CELF5: variants seen among roughly 807,000 people sequenced by gnomAD.
CELF5 encodes CUGBP Elav-like family member 5, also known as CUG-BP and ETR-3 like factor 5.
Under a neutral mutation model 54.9 loss-of-function variants are expected in CELF5, and 6 were observed. The observed-to-expected ratio is 0.11, with a 90% CI of 0.06 to 0.22. The LOEUF (loss-of-function observed/expected upper bound fraction) is 0.22, where lower values mean the gene tolerates loss of function less well. Ranked by LOEUF, CELF5 falls within the 10% of genes least tolerant of loss-of-function variation. The pLI is 1.00. For synonymous variants in CELF5, 271 were observed against 290.9 expected, an observed-to-expected ratio of 0.93 and a Z score of 0.70; for missense variants, 401 against 678.6, an observed-to-expected ratio of 0.59 and a Z score of 4.54.
chr19:3,233,639 A>G (rs987618836), intron 1 of CELF5, among the ~76,000 whole-genome samples: 3 of 152,196 alleles, frequency 2.0e-5, no homozygotes, highest in African/African-American at 7.2e-5. Flanking sequence ...TTGGAGGAAC[A>G]GCAAGGAGGC....
At chr19:3,280,903 G>T (rs2080138760) in intron 5 of CELF5, among the ~76,000 whole-genome samples, 1 of 152,128 alleles carries the variant, frequency 6.6e-6, no homozygotes, top group African/African-American at 2.4e-5. Flanking sequence ...CCAGCGGCGG[G>T]ATTCTCCATC....
chr19:3,253,632 G>C (rs10424718), intron 2 of CELF5, among the ~76,000 whole-genome samples: 1 of 152,060 alleles, frequency 6.6e-6, no homozygotes, highest in Non-Finnish European at 1.5e-5. Flanking sequence ...CAGAGCAGGG[G>C]GGGCAAAGGT....
At chr19:3,257,661 A>G (rs2079748266) in intron 2 of CELF5, among the ~76,000 whole-genome samples, 1 of 151,414 alleles carries the variant, frequency 6.6e-6, no homozygotes, top group African/African-American at 2.4e-5. Flanking sequence ...TTTTTAGTAG[A>G]GACGGGGTTT....
chr19:3,275,487 G>A lies in CELF5; in HGVS notation c.395-369G>A, dbSNP rs187581016. The stretch of plus-strand genomic sequence containing the variant: ...ACAGACAGGGACCCAGGCCCGGCGA[G>A]GCAGCTCCTAGCCCTAGTACTCGGT... On this transcript the variant is annotated intron_variant, in intron 3 of 12. Transcript: ENST00000292672. The surrounding 1 kb of genome is among the most constrained non-coding windows in gnomAD (Gnocchi z 6.7). 2.6e-5 allele frequency among the ~76,000 whole-genome samples: 4 copies of A among 152,376 alleles called. No homozygotes were observed. The East Asian group carries it at 7.7e-4, about 29-fold the overall frequency.
intron 1 of CELF5, among the ~76,000 whole-genome samples, chr19:3,250,437 C>T (rs995067759): frequency 1.3e-5 from 2 of 152,120 alleles, no homozygotes; most frequent in Admixed American, 6.5e-5. Flanking sequence ...TGCAGTGAGC[C>T]GAGATCGCGC....
At chr19:3,225,061 T>A in intron 1 of CELF5, 63 bp downstream of exon 1, 1 of 1,033,530 alleles carries the variant, frequency 9.7e-7, no homozygotes, top group Non-Finnish European at 1.3e-6. Flanking sequence ...CCTTCCGGCA[T>A]CTTCTCTCCC....
At chr19:3,287,523 C>G (rs2080274048) in intron 10 of CELF5, among the ~76,000 whole-genome samples, 2 of 150,598 alleles carry the variant, frequency 1.3e-5, no homozygotes, top group South Asian at 4.2e-4. Context: ...TGCGCCACTG[C>G]ACTTCAGCCT....
intron 9 of CELF5, among the ~76,000 whole-genome samples, chr19:3,285,188 C>A (rs1264001544): frequency 6.6e-6 from 1 of 151,964 alleles, no homozygotes; most frequent in Non-Finnish European, 1.5e-5. Context: ...ACAGGACCTT[C>A]CCTTGTCCTT....
intron 1 of CELF5, among the ~76,000 whole-genome samples, chr19:3,243,552 G>A (rs765395286): frequency 2.9e-4 from 44 of 152,184 alleles, no homozygotes; most frequent in Non-Finnish European, 5.4e-4. Flanking sequence ...AAGGTGCCGG[G>A]ATTCCAGGTG....
rs1000000015 is a variant in CELF5, at chr19:3,228,462, G to A, written c.259+3464G>A. Among the ~76,000 whole-genome samples, 3 of 152,240 alleles carry A rather than the reference G, an allele frequency of 2.0e-5. No individual in the cohort carries two copies. Among genetic ancestry groups the A allele is most frequent in the African/African-American group, 7.2e-5 (3 of 41,462 alleles). On this transcript the variant is annotated intron_variant, in intron 1 of 12. Transcript: ENST00000292672. The surrounding 1 kb of genome is among the most constrained non-coding windows in gnomAD (Gnocchi z 6.0). ...CTGCCCCTGTCTATGGATGGTGGCT[G>A]CCTGGGTGCCCACCCTGCCAGGGGA...
At chr19:3,260,771 C>A (rs1443369518) in intron 2 of CELF5, among the ~76,000 whole-genome samples, 2 of 151,840 alleles carry the variant, frequency 1.3e-5, no homozygotes, top group African/African-American at 4.8e-5. Flanking sequence ...TACAGGCGCC[C>A]GCCACCATGA....
At position 3,281,036 on chromosome 19, in the gene CELF5, C is replaced by T. The variant is rs149962999; in HGVS notation, c.604-163C>T. ...AGGATGCTGATCTCCACGCGGTCCT[C>T]GCTGTGGCCCTGGCTCCTGGGGTGG... On this transcript the variant is annotated intron_variant, in intron 5 of 12. Coordinates refer to ENST00000292672, the MANE Select transcript of CELF5 (RefSeq NM_021938.4). The surrounding 1 kb of genome is among the most constrained non-coding windows in gnomAD (Gnocchi z 6.5). Among the ~76,000 whole-genome samples, 10 of 152,322 alleles carry T rather than the reference C, an allele frequency of 6.6e-5. No individual in the cohort carries two copies. The highest frequency in any genetic ancestry group is 2.1e-4 in the South Asian group (1 of 4,828).
intron 9 of CELF5, 35 bp from the exon 10 acceptor site, chr19:3,285,907 C>T (rs753422548): frequency 1.3e-6 from 2 of 1,504,070 alleles, no homozygotes; most frequent in African/African-American, 1.5e-5. Context: ...GCCTCACGCC[C>T]CTCCTCGCCC....
chr19:3,237,941 C>T (rs536689337), intron 1 of CELF5, among the ~76,000 whole-genome samples: 35 of 152,098 alleles, frequency 2.3e-4, no homozygotes, highest in African/African-American at 8.2e-4. Flanking sequence ...CCCAGCTACT[C>T]GGGAGGCTGA....
chr19:3,285,440 C>T (rs1355373999), intron 9 of CELF5, among the ~76,000 whole-genome samples: 2 of 149,418 alleles, frequency 1.3e-5, no homozygotes, highest in African/African-American at 2.5e-5. Context: ...ACCCCGCCCT[C>T]TGCTGCGGCC....
intron 12 of CELF5, chr19:3,296,326 TAAAAAGAAAG>T (rs1292897783): frequency 2.7e-5 from 1 of 36,452 alleles, no homozygotes; most frequent in African/African-American, 1.4e-4. Flanking sequence ...AAAAAACATT[TAAAAAGAAAG>T]AAAAAAAAAA....
intron 2 of CELF5, among the ~76,000 whole-genome samples, chr19:3,257,222 C>T (rs1240631230): frequency 6.6e-6 from 1 of 152,144 alleles, no homozygotes; most frequent in Non-Finnish European, 1.5e-5. Flanking sequence ...GCAGAGGGAA[C>T]GGCCAGTGCA....
Position 3,282,456 on chromosome 19 carries a change from G to C in CELF5, c.997G>C (p.Ala333Pro). 6.2e-7 allele frequency: 1 copy of C among 1,613,778 alleles called. No homozygotes were observed. Among genetic ancestry groups the C allele is most frequent in the African/African-American group, 1.3e-5 (1 of 75,070 alleles). Residue 333 changes from alanine (A) to proline (P), a missense_variant, in exon 8 of 13, where the codon GCC (alanine) becomes CCC (proline). By Grantham distance (27) the Ala-to-Pro change is conservative. Coordinates refer to ENST00000292672, the MANE Select transcript of CELF5 (RefSeq NM_021938.4). This position sits in a 1 kb window ranked among gnomAD's most constrained non-coding sequence, Gnocchi z 5.2. The stretch of plus-strand genomic sequence containing the variant: ...CGTGCCCTTTCCAGGTGGGCACCCT[G>C]CCCTGGAAACCGTCTATGCCAATGG... ...GVVPFPGGHP[A>P]LETVYANGLV...
intron 11 of CELF5, among the ~76,000 whole-genome samples, chr19:3,290,798 C>G (rs921354083): frequency 2.0e-5 from 3 of 150,944 alleles, no homozygotes; most frequent in African/African-American, 7.3e-5. Flanking sequence ...CATCTCCTGA[C>G]CTCGTGATCT....
Sources: gnomAD v4.1 joint callset for allele counts (sites outside exome capture counted in the v4.1 genomes callset) on GRCh38, gnomAD v4.1.1 for gene constraint, Gnocchi (gnomAD v3.1) non-coding constraint, MANE v1.5 for transcripts, NCBI Gene and HGNC (gene_info 2026-07-23, HGNC 2026-07-21) for gene names.